Variants in ISM1 observed in about 807,000 individuals in gnomAD.
ISM1 encodes the protein isthmin 1.
ISM1 carries 25 observed loss-of-function variants against 46.3 expected under a neutral mutation model. That is an observed-to-expected ratio of 0.54 (90% confidence interval 0.39 to 0.75). ISM1 has a LOEUF of 0.75. Ranked by LOEUF, ISM1 falls within the 30% of genes least tolerant of loss-of-function variation. The pLI, the probability that ISM1 is intolerant of heterozygous loss-of-function variation, is 0.00. For synonymous variants in ISM1, 255 were observed against 256.7 expected, an observed-to-expected ratio of 0.99 and a Z score of 0.06; for missense variants, 536 against 625.4, an observed-to-expected ratio of 0.86 and a Z score of 1.52.
chr20:13,296,893 C>A (rs1316748416), intron 5 of ISM1, among the ~76,000 whole-genome samples: 1 of 152,094 alleles, frequency 6.6e-6, no homozygotes, highest in African/African-American at 2.4e-5. Flanking sequence ...TGGCAGGTGC[C>A]AGTATTCCCA....
At chr20:13,325,011 T>C in the ISM1 span, among the ~76,000 whole-genome samples, 1 of 152,204 alleles carries the variant, frequency 6.6e-6, no homozygotes, top group Non-Finnish European at 1.5e-5. Context: ...AGTGCAGCTA[T>C]TTCTCTATTG....
At chr20:13,261,535 C>A (rs935712946) in intron 1 of ISM1, among the ~76,000 whole-genome samples, 2 of 152,064 alleles carry the variant, frequency 1.3e-5, no homozygotes, top group Admixed American at 1.3e-4. Flanking sequence ...ACCAGTCTAC[C>A]ATAAGTGCAG....
chr20:13,325,907 G>A, the ISM1 span, among the ~76,000 whole-genome samples: 3 of 151,944 alleles, frequency 2.0e-5, no homozygotes, highest in African/African-American at 7.3e-5. Flanking sequence ...CAATACACAC[G>A]TCGACCATCA....
rs146219787 is a variant in ISM1 at position 13,250,962 on chromosome 20, T to C, written c.139-19542T>C. Among the ~76,000 whole-genome samples the C allele has an allele frequency of 7.4e-3, 1,129 of 152,342 alleles. 44 individuals carry two copies. The highest frequency in any genetic ancestry group is 0.064 in the Admixed American group (980 of 15,304). ...ACTGAAAACATCCTGAGAATTATTT[T>C]ATCATCTCTTCTTAGGCCACTTTTA... On this transcript the variant is annotated intron_variant, in intron 1 of 5. Coordinates refer to ENST00000262487, the MANE Select transcript of ISM1 (RefSeq NM_080826.2).
chr20:13,284,681 G>A (rs145400208), intron 3 of ISM1, among the ~76,000 whole-genome samples: 178 of 152,292 alleles, frequency 1.2e-3, no homozygotes, highest in African/African-American at 3.7e-3. Flanking sequence ...ATGGGGGCCC[G>A]TGTGCTGTGA....
At position 13,300,384 on chromosome 20, in the gene ISM1, A is replaced by G. The variant is rs2040447667; in HGVS notation, c.*925A>G. 6.6e-6 allele frequency: 1 copy of G among 152,190 alleles called. No homozygotes were observed. Among genetic ancestry groups the G allele is most frequent in the African/African-American group, 2.4e-5 (1 of 41,430 alleles). The allele number at this position is 152,190 out of a possible 1,614,324, so 9.4% of individuals were successfully genotyped here. On this transcript the variant is annotated 3_prime_UTR_variant, in exon 6 of 6. Coordinates refer to ENST00000262487, the MANE Select transcript of ISM1 (RefSeq NM_080826.2). ...TACTATTTTAACAATTTTTTCATCT[A>G]CCAATATATCCCCAATAAATAAATA...
At chr20:13,228,573 T>A (rs2039554558) in intron 1 of ISM1, among the ~76,000 whole-genome samples, 1 of 152,190 alleles carries the variant, frequency 6.6e-6, no homozygotes, top group Non-Finnish European at 1.5e-5. Context: ...CTTTTATGAT[T>A]TTTTTCCTTT....
chr20:13,247,517 GGTGTGTGT>G (rs35224672), intron 1 of ISM1, among the ~76,000 whole-genome samples: 264 of 139,886 alleles, frequency 1.9e-3, no homozygotes, highest in Non-Finnish European at 2.2e-3. Context: ...CAAAGTGAGG[GGTGTGTGT>G]GTGTGTGTGT....
intron 2 of ISM1, among the ~76,000 whole-genome samples, chr20:13,273,850 C>A (rs6105063): frequency 0.38 from 58,138 of 151,806 alleles, 13,300 homozygotes; most frequent in African/African-American, 0.65. Flanking sequence ...GGTTAATTTT[C>A]TGTGAGCAAT....
the ISM1 span, among the ~76,000 whole-genome samples, chr20:13,311,239 TAGATGATA>T: frequency 1.2e-3 from 128 of 110,354 alleles, no homozygotes; most frequent in African/African-American, 3.9e-3. Context: ...GATAGATAGA[TAGATGATA>T]GATAGATAGA....
At chr20:13,246,611 C>G (rs1367515512) in intron 1 of ISM1, among the ~76,000 whole-genome samples, 1 of 152,184 alleles carries the variant, frequency 6.6e-6, no homozygotes, top group Non-Finnish European at 1.5e-5. Context: ...CGTGTTTTTT[C>G]ATTTTATAGA....
intron 5 of ISM1, among the ~76,000 whole-genome samples, chr20:13,296,721 T>C (rs1213457264): frequency 6.6e-6 from 1 of 152,084 alleles, no homozygotes; most frequent in East Asian, 1.9e-4. Flanking sequence ...CAAAGTTTGG[T>C]TAAGATGCAT....
At chr20:13,303,272 G>A (rs1351523674), downstream of ISM1, among the ~76,000 whole-genome samples, 1 of 152,170 alleles carries the variant, frequency 6.6e-6, no homozygotes, top group Admixed American at 6.5e-5. Context: ...GCTTTTCTGT[G>A]ACTCACTGCC....
intron 4 of ISM1, among the ~76,000 whole-genome samples, chr20:13,291,790 G>C (rs1002250657): frequency 6.6e-6 from 1 of 152,156 alleles, no homozygotes; most frequent in Non-Finnish European, 1.5e-5. Flanking sequence ...GCTAGACAAA[G>C]AATGAGCTAG....
At chr20:13,281,535 G>A (rs548561523) in intron 3 of ISM1, among the ~76,000 whole-genome samples, 1 of 152,322 alleles carries the variant, frequency 6.6e-6, no homozygotes, top group African/African-American at 2.4e-5. Context: ...GAAAACTAAA[G>A]CCTGGAAAAC....
At chr20:13,269,559 G>A (rs2040086638) in intron 1 of ISM1, among the ~76,000 whole-genome samples, 1 of 152,146 alleles carries the variant, frequency 6.6e-6, no homozygotes, top group African/African-American at 2.4e-5. Flanking sequence ...AACCAGCCAA[G>A]CTCATTCCCA....
At chr20:13,255,680 C>T (rs1173716357) in intron 1 of ISM1, among the ~76,000 whole-genome samples, 1 of 152,228 alleles carries the variant, frequency 6.6e-6, no homozygotes, top group Admixed American at 6.5e-5. Context: ...TGAATTACAA[C>T]AAGTCATTCC....
the ISM1 span, among the ~76,000 whole-genome samples, chr20:13,325,974 C>A: frequency 6.6e-6 from 1 of 152,194 alleles, no homozygotes; most frequent in African/African-American, 2.4e-5. Flanking sequence ...ATAGTCACAT[C>A]TTCCACCCAA....
Position 13,299,879 on chromosome 20 carries a change from G to A in ISM1, c.*420G>A, listed in dbSNP as rs543405182. 17 of 158,796 alleles carry A rather than the reference G, an allele frequency of 1.1e-4. No homozygotes were observed. Among genetic ancestry groups the A allele is most frequent in the African/African-American group, 3.4e-4 (14 of 41,748 alleles). The allele number at this position is 158,796 out of a possible 1,614,324, so 9.8% of individuals were successfully genotyped here. A position where few individuals can be genotyped will look rare whatever the true frequency, so the allele number is the denominator to read the frequency against. ...TAATACAAATGTGACTTAATTAAGC[G>A]TAACCTTTTCTCTGGAGTTGTGGTG... On this transcript the variant is annotated 3_prime_UTR_variant, in exon 6 of 6. Coordinates refer to ENST00000262487, the MANE Select transcript of ISM1 (RefSeq NM_080826.2). This position sits in a 1 kb window ranked among gnomAD's most constrained non-coding sequence, Gnocchi z 5.8.
Sources: gnomAD v4.1 joint callset for allele counts (sites outside exome capture counted in the v4.1 genomes callset) on GRCh38, gnomAD v4.1.1 for gene constraint, Gnocchi (gnomAD v3.1) non-coding constraint, MANE v1.5 for transcripts, NCBI Gene and HGNC (gene_info 2026-07-23, HGNC 2026-07-21) for gene names.